Variants in PDE3A observed in about 807,000 individuals in gnomAD.
The protein encoded by PDE3A is cGMP-inhibited 3',5'-cyclic phosphodiesterase 3A.
A neutral mutation model predicts 98.3 loss-of-function variants in PDE3A; 43 were observed. The observed-to-expected ratio is 0.44, with a 90% CI of 0.34 to 0.56. The LOEUF (loss-of-function observed/expected upper bound fraction) is 0.56, where lower values mean the gene tolerates loss of function less well. PDE3A is among the 20% of genes least tolerant of loss of function. The pLI, the probability that PDE3A is intolerant of heterozygous loss-of-function variation, is 0.01. For synonymous variants in PDE3A, 663 were observed against 567.9 expected, an observed-to-expected ratio of 1.17 and a Z score of -2.38; for missense variants, 1,427 against 1,440.7, an observed-to-expected ratio of 0.99 and a Z score of 0.15.
intron 10 of PDE3A, among the ~76,000 whole-genome samples, chr12:20,644,401 G>A (rs1451234524): frequency 6.6e-6 from 1 of 152,048 alleles, no homozygotes; most frequent in Non-Finnish European, 1.5e-5. Flanking sequence ...TGTCACAATT[G>A]TACCATGAAT....
intron 1 of PDE3A, among the ~76,000 whole-genome samples, chr12:20,402,519 A>G (rs1591891678): frequency 6.6e-6 from 1 of 152,262 alleles, no homozygotes; most frequent in Non-Finnish European, 1.5e-5. Flanking sequence ...AAAATCATTT[A>G]CTAAGTCCCA....
At chr12:20,668,573 C>T (rs1945385188) in intron 15 of PDE3A, among the ~76,000 whole-genome samples, 1 of 152,074 alleles carries the variant, frequency 6.6e-6, no homozygotes, top group South Asian at 2.1e-4. Flanking sequence ...TGGGAGGCAC[C>T]CCCCAGTAGA....
intron 2 of PDE3A, among the ~76,000 whole-genome samples, chr12:20,581,105 A>G (rs1437796209): frequency 6.6e-6 from 1 of 152,208 alleles, no homozygotes; most frequent in African/African-American, 2.4e-5. Flanking sequence ...AGCAGAAGAC[A>G]GTTCTTTCTA....
intron 1 of PDE3A, among the ~76,000 whole-genome samples, chr12:20,397,063 G>T (rs1433665437): frequency 6.6e-6 from 1 of 151,970 alleles, no homozygotes; most frequent in Non-Finnish European, 1.5e-5. Context: ...GATTGACTGA[G>T]ATTATAAAGA....
intron 1 of PDE3A, among the ~76,000 whole-genome samples, chr12:20,465,391 A>C (rs1323004988): frequency 2.6e-5 from 4 of 152,052 alleles, no homozygotes; most frequent in Non-Finnish European, 4.4e-5. Flanking sequence ...TAATTTTTAA[A>C]AATTTATTTA....
chr12:20,563,090 T>C (rs1226296648), intron 2 of PDE3A, among the ~76,000 whole-genome samples: 4 of 152,204 alleles, frequency 2.6e-5, no homozygotes, highest in Admixed American at 6.5e-5. Flanking sequence ...CTTTATAGCA[T>C]AATGTTAAGT....
At chr12:20,567,577 G>A (rs1297089666) in intron 2 of PDE3A, among the ~76,000 whole-genome samples, 1 of 151,796 alleles carries the variant, frequency 6.6e-6, no homozygotes, top group African/African-American at 2.4e-5. Context: ...TTTCATACAG[G>A]AACATGTGTT....
rs1002387772 is a variant in PDE3A at position 20,683,217 on chromosome 12, T to C, written c.*2946T>C. 2.0e-5 allele frequency: 3 copies of C among 152,198 alleles called. No individual in the cohort carries two copies. Among genetic ancestry groups the C allele is most frequent in the Non-Finnish European group, 4.4e-5 (3 of 68,032 alleles). The allele number at this position is 152,198 out of a possible 1,614,324, so 9.4% of individuals were successfully genotyped here. The stretch of plus-strand genomic sequence containing the variant: ...ACATCTCAAAGGATGCTAAGGGACA[T>C]TTTCTGCCAGTAGAGTTCTCCCCCT... On this transcript the variant is annotated 3_prime_UTR_variant, in exon 16 of 16. Coordinates refer to ENST00000359062, the MANE Select transcript of PDE3A (RefSeq NM_000921.5).
At chr12:20,506,709 A>C (rs117266619) in intron 1 of PDE3A, among the ~76,000 whole-genome samples, 1 of 152,054 alleles carries the variant, frequency 6.6e-6, no homozygotes, top group Admixed American at 6.6e-5. Context: ...ATGAATATAC[A>C]TAAAGTGGAT....
chr12:20,439,906 C>A lies in PDE3A; in HGVS notation c.960+69662C>A, dbSNP rs185156202. Among the ~76,000 whole-genome samples the A allele has an allele frequency of 2.8e-4, 43 of 152,156 alleles. No homozygotes were observed. In the East Asian group the frequency reaches 5.2e-3, roughly 18 times the overall value. On this transcript the variant is annotated intron_variant, in intron 1 of 15. Transcript: ENST00000359062. ...ATCTAGTAGAGCTTTGCTTTTGTGA[C>A]AACATTTTTTGATTAAATAACTCTA...
chr12:20,539,148 C>T (rs2121212690), intron 1 of PDE3A, among the ~76,000 whole-genome samples: 1 of 152,114 alleles, frequency 6.6e-6, no homozygotes, highest in East Asian at 1.9e-4. Flanking sequence ...GGGACCAAAA[C>T]TGTTTGGAGT....
intron 1 of PDE3A, among the ~76,000 whole-genome samples, chr12:20,488,353 A>C (rs1157537871): frequency 6.6e-6 from 1 of 152,210 alleles, no homozygotes; most frequent in East Asian, 1.9e-4. Context: ...GTTGGTGAAC[A>C]GGAATTCTTG....
rs1444580296 is a variant in PDE3A, at chr12:20,683,811, A to G, written c.*3540A>G. The G allele has an allele frequency of 3.9e-5, 6 of 152,174 alleles. No homozygotes were observed. The highest frequency in any genetic ancestry group is 3.3e-4 in the Admixed American group (5 of 15,272). The allele number at this position is 152,174 out of a possible 1,614,324, so 9.4% of individuals were successfully genotyped here. A position where few individuals can be genotyped will look rare whatever the true frequency, so the allele number is the denominator to read the frequency against. On this transcript the variant is annotated 3_prime_UTR_variant, in exon 16 of 16. Coordinates refer to ENST00000359062, the MANE Select transcript of PDE3A (RefSeq NM_000921.5). ...AAAAATAGAATTCCCGATTCTGTCT[A>G]TTTTGGTTGAATACCAGAACAAATC...
chr12:20,389,858 A>G (rs1184044214), intron 1 of PDE3A, among the ~76,000 whole-genome samples: 2 of 151,938 alleles, frequency 1.3e-5, no homozygotes, highest in East Asian at 1.9e-4. Context: ...CTTTTGATTT[A>G]TGTTTTACAT....
At chr12:20,415,422 ATTTTT>A in intron 1 of PDE3A, among the ~76,000 whole-genome samples, 1 of 63,782 alleles carries the variant, frequency 1.6e-5, no homozygotes, top group Non-Finnish European at 4.1e-5. Flanking sequence ...ATTTATTTAT[ATTTTT>A]TATTTTTTTT....
intron 9 of PDE3A, among the ~76,000 whole-genome samples, chr12:20,638,930 T>C (rs1333443034): frequency 6.6e-6 from 1 of 152,062 alleles, no homozygotes; most frequent in East Asian, 1.9e-4. Context: ...TCTTCTAAAG[T>C]CATATAGTAA....
chr12:20,547,970 G>A (rs1006313255), intron 1 of PDE3A, among the ~76,000 whole-genome samples: 6 of 151,916 alleles, frequency 3.9e-5, no homozygotes, highest in Non-Finnish European at 8.8e-5. Flanking sequence ...TTCTGTGTTT[G>A]GCAGCAGTTT....
At chr12:20,453,473 C>T (rs1379497254) in intron 1 of PDE3A, among the ~76,000 whole-genome samples, 1 of 152,130 alleles carries the variant, frequency 6.6e-6, no homozygotes, top group South Asian at 2.1e-4. Context: ...AGCCACTGTG[C>T]CTGGCCCAAA....
At chr12:20,472,367 G>C (rs1048138535) in intron 1 of PDE3A, among the ~76,000 whole-genome samples, 1 of 152,120 alleles carries the variant, frequency 6.6e-6, no homozygotes, top group Non-Finnish European at 1.5e-5. Context: ...TAATTTTATG[G>C]AGAGTTAGCT....
Sources: gnomAD v4.1 joint callset for allele counts (sites outside exome capture counted in the v4.1 genomes callset) on GRCh38, gnomAD v4.1.1 for gene constraint, MANE v1.5 for transcripts, NCBI Gene and HGNC (gene_info 2026-07-23, HGNC 2026-07-21) for gene names.